TMEM245: variants seen among roughly 807,000 people sequenced by gnomAD.
TMEM245 encodes protein CG-2.
TMEM245 carries 69 observed loss-of-function variants against 101.2 expected under a neutral mutation model. The ratio of observed to expected loss-of-function variants is 0.68; its 90% CI spans 0.56 to 0.83. TMEM245 has a LOEUF of 0.83. Among genes scored for constraint, TMEM245 ranks in the 40% least tolerant of loss-of-function variants. The pLI, the probability that TMEM245 is intolerant of heterozygous loss-of-function variation, is 0.00. For missense variants in TMEM245, 1,075 were observed against 1,092.8 expected, an observed-to-expected ratio of 0.98 and a Z score of 0.23; for synonymous variants, 537 against 449.8, an observed-to-expected ratio of 1.19 and a Z score of -2.45.
At chr9:109,046,208 C>G in intron 14 of TMEM245, 1 of 534,072 alleles carries the variant, frequency 1.9e-6, no homozygotes. Flanking sequence ...AAGAGCCATA[C>G]CCGTGTGCAT....
chr9:109,118,720 A>C (rs948228610), intron 1 of TMEM245, among the ~76,000 whole-genome samples: 8 of 152,230 alleles, frequency 5.3e-5, no homozygotes, highest in African/African-American at 1.7e-4. Flanking sequence ...GGAGAGGAAG[A>C]AGCACAGGCA....
At chr9:109,059,311 A>G (rs1828937833) in intron 11 of TMEM245, among the ~76,000 whole-genome samples, 1 of 152,140 alleles carries the variant, frequency 6.6e-6, no homozygotes, top group African/African-American at 2.4e-5. Context: ...ACTAAGCAAC[A>G]AATTCAAATT....
At chr9:109,032,807 CTT>C (rs568749155) in intron 17 of TMEM245, among the ~76,000 whole-genome samples, 25,305 of 122,706 alleles carry the variant, frequency 0.21, 2,295 homozygotes, top group Admixed American at 0.29. Context: ...CAATATAGGT[CTT>C]TTTTTTTTTT....
At chr9:109,081,254 T>G (rs1439401315) in intron 7 of TMEM245, among the ~76,000 whole-genome samples, 1 of 152,156 alleles carries the variant, frequency 6.6e-6, no homozygotes, top group Non-Finnish European at 1.5e-5. Flanking sequence ...CTGGTAAGTA[T>G]TCTAAACAAA....
chr9:109,079,776 A>G (rs1321633335), intron 8 of TMEM245, among the ~76,000 whole-genome samples: 1 of 151,970 alleles, frequency 6.6e-6, no homozygotes, highest in Non-Finnish European at 1.5e-5. Context: ...AAGAGAGGAG[A>G]AAGGAAAAAA....
intron 17 of TMEM245, among the ~76,000 whole-genome samples, chr9:109,031,064 C>T (rs749562134): frequency 1.3e-4 from 20 of 152,228 alleles, no homozygotes; most frequent in African/African-American, 2.2e-4. Flanking sequence ...ATATAGTTTC[C>T]GGAAAGTTCA....
intron 1 of TMEM245, among the ~76,000 whole-genome samples, chr9:109,116,536 T>C (rs1830728005): frequency 6.8e-5 from 10 of 146,030 alleles, no homozygotes; most frequent in Admixed American, 6.0e-4. Flanking sequence ...GCACTTTTTT[T>C]TTTCTTTTTT....
At chr9:109,095,195 T>C (rs1345259390) in intron 3 of TMEM245, among the ~76,000 whole-genome samples, 1 of 152,202 alleles carries the variant, frequency 6.6e-6, no homozygotes, top group East Asian at 1.9e-4. Context: ...CTTACTCTCC[T>C]GGCCTGTGTA....
intron 3 of TMEM245, among the ~76,000 whole-genome samples, chr9:109,095,018 G>C (rs1830101829): frequency 6.6e-6 from 1 of 152,134 alleles, no homozygotes; most frequent in South Asian, 2.1e-4. Context: ...TCAGACATCA[G>C]GATAAGAGTA....
chr9:109,049,515 GT>G (rs1007864080), intron 14 of TMEM245, among the ~76,000 whole-genome samples: 1 of 151,620 alleles, frequency 6.6e-6, no homozygotes, highest in Non-Finnish European at 1.5e-5. Context: ...CGCCCAGTCT[GT>G]TTTTTTGTTT....
At chr9:109,079,830 T>C (rs746831172) in intron 8 of TMEM245, among the ~76,000 whole-genome samples, 1 of 152,068 alleles carries the variant, frequency 6.6e-6, no homozygotes, top group Non-Finnish European at 1.5e-5. Flanking sequence ...GATTGCACAG[T>C]AGCAGGTTTA....
At chr9:109,087,432 T>TA (rs1829876483) in intron 5 of TMEM245, 90 bp from the exon 6 acceptor site, 16 of 1,253,476 alleles carry the variant, frequency 1.3e-5, no homozygotes, top group Non-Finnish European at 1.7e-5. Flanking sequence ...AAAACCTTTC[T>TA]AAAACAACAA....
At chr9:109,108,990 G>C (rs1830500488) in intron 1 of TMEM245, among the ~76,000 whole-genome samples, 1 of 152,108 alleles carries the variant, frequency 6.6e-6, no homozygotes, top group Admixed American at 6.6e-5. Flanking sequence ...TTTCCAAAAA[G>C]AATCAGGTTA....
intron 7 of TMEM245, 80 bp from the exon 8 acceptor site, chr9:109,081,023 A>T (rs1296516976): frequency 2.1e-6 from 2 of 932,860 alleles, no homozygotes; most frequent in Non-Finnish European, 3.3e-6. Context: ...TCATAAAGAC[A>T]AAACAGGATC....
At chr9:109,092,311 GTAT>G (rs1316209441) in intron 4 of TMEM245, among the ~76,000 whole-genome samples, 1 of 78,364 alleles carries the variant, frequency 1.3e-5, no homozygotes. Flanking sequence ...ACCAAGTGCT[GTAT>G]CATAATTTCC....
At chr9:109,050,512 C>G in intron 13 of TMEM245, 58 bp downstream of exon 13, 1 of 1,612,294 alleles carries the variant, frequency 6.2e-7, no homozygotes, top group Non-Finnish European at 8.5e-7. Context: ...CAAATGAAAC[C>G]AGAAATATGC....
chr9:109,037,489 T>C (rs563764826), intron 15 of TMEM245, among the ~76,000 whole-genome samples: 2 of 152,220 alleles, frequency 1.3e-5, no homozygotes, highest in Non-Finnish European at 2.9e-5. Context: ...GACTGGATCA[T>C]GGCGGGTGGA....
rs1827558215 is a variant in TMEM245 at position 109,019,591 on chromosome 9, T to C, written c.*869A>G. ...ATACTACATAAATACAAAATTCTGC[T>C]GAAAACTAACTTATTGGCAGAGTTC... On this transcript the variant is annotated 3_prime_UTR_variant, in exon 18 of 18. Transcript: ENST00000374586. The C allele has an allele frequency of 6.6e-6, 1 of 152,286 alleles. No individual in the cohort carries two copies. Among genetic ancestry groups the C allele is most frequent in the South Asian group, 2.1e-4 (1 of 4,838 alleles). 9.4% of individuals were successfully genotyped at this position (152,286 alleles called of 1,614,324 possible). A position where few individuals can be genotyped will look rare whatever the true frequency, so the allele number is the denominator to read the frequency against.
At chr9:109,067,056 CAAAA>C (rs35037428) in intron 9 of TMEM245, among the ~76,000 whole-genome samples, 5 of 85,788 alleles carry the variant, frequency 5.8e-5, no homozygotes, top group Admixed American at 2.3e-4. Flanking sequence ...GACTCCATCT[CAAAA>C]AAAAAAAAAA....
Sources: allele counts gnomAD v4.1 joint callset (sites outside exome capture counted in the v4.1 genomes callset), GRCh38; gene constraint gnomAD v4.1.1; transcripts MANE v1.5; gene names NCBI Gene and HGNC (gene_info 2026-07-23, HGNC 2026-07-21).